Variants in FGF12 observed in about 807,000 individuals in gnomAD.
FGF12 encodes the protein fibroblast growth factor 12B.
In FGF12, 14 loss-of-function variants were observed where a neutral mutation model predicts 23.6. The ratio of observed to expected loss-of-function variants is 0.59; its 90% confidence interval spans 0.39 to 0.93. The LOEUF (loss-of-function observed/expected upper bound fraction) is 0.93. Ranked by LOEUF, FGF12 falls within the 40% of genes least tolerant of loss-of-function variation. The pLI is 0.00. For missense variants in FGF12, 175 were observed against 217.8 expected (o/e 0.80, Z 1.24); for synonymous variants, 62 against 77.3 (o/e 0.80, Z 1.04).
chr3:192,233,835 G>GTCAAA (rs1175947446), intron 4 of FGF12, among the ~76,000 whole-genome samples: 4 of 152,076 alleles, frequency 2.6e-5, no homozygotes, highest in Non-Finnish European at 4.4e-5. Flanking sequence ...GGGCAGCTTT[G>GTCAAA]TCAAAGATCA....
intron 4 of FGF12, among the ~76,000 whole-genome samples, chr3:192,304,370 C>T (rs1293333788): frequency 6.6e-6 from 1 of 152,188 alleles, no homozygotes; most frequent in Non-Finnish European, 1.5e-5. Context: ...TTACTATTCT[C>T]CTGCTCTACA....
At chr3:192,377,033 C>G (rs896691441) in intron 2 of FGF12, among the ~76,000 whole-genome samples, 1 of 152,212 alleles carries the variant, frequency 6.6e-6, no homozygotes, top group African/African-American at 2.4e-5. Flanking sequence ...GGAATTCCAA[C>G]TTAACAAGGA....
In FGF12 at chr3:192,429,172, C is replaced by T. The variant is rs115319372; in HGVS notation, c.14-68634G>A. Among the ~76,000 whole-genome samples the T allele has an allele frequency of 5.5e-3, 832 of 151,386 alleles. 8 individuals carry two copies. The highest frequency in any genetic ancestry group is 0.019 in the African/African-American group (796 of 41,446). On this transcript the variant is annotated intron_variant, in intron 2 of 5. Transcript: ENST00000445105. ...CACTGGAAGAGATGAGGGAAGAGGA[C>T]AGCATCAACTTACCTCTTCACGAAG...
chr3:192,382,632 T>C (rs1719868533), intron 2 of FGF12, among the ~76,000 whole-genome samples: 1 of 152,188 alleles, frequency 6.6e-6, no homozygotes, highest in Non-Finnish European at 1.5e-5. Flanking sequence ...TGCTATAATA[T>C]AGAGCAAGTA....
intron 2 of FGF12, among the ~76,000 whole-genome samples, chr3:192,668,247 C>T (rs1560188197): frequency 6.6e-6 from 1 of 151,956 alleles, no homozygotes; most frequent in Non-Finnish European, 1.5e-5. Flanking sequence ...AAACTGCATA[C>T]TCTAAGAATG....
At chr3:192,658,523 G>A (rs888789303) in intron 2 of FGF12, among the ~76,000 whole-genome samples, 2 of 152,152 alleles carry the variant, frequency 1.3e-5, no homozygotes, top group East Asian at 1.9e-4. Flanking sequence ...AGTTTGGAGC[G>A]TGCTAACCAG....
chr3:192,237,935 T>G (rs1297899300), intron 4 of FGF12: 1 of 152,238 alleles, frequency 6.6e-6, no homozygotes, highest in Non-Finnish European at 1.5e-5. Context: ...CTTGCACTAG[T>G]TCTTATCTGT....
At chr3:192,567,735 CTCTT>C (rs58243923) in intron 2 of FGF12, among the ~76,000 whole-genome samples, 21,532 of 125,760 alleles carry the variant, frequency 0.17, 1,823 homozygotes, top group East Asian at 0.19. Flanking sequence ...CTCCATGTGT[CTCTT>C]TCTTTCTTTC....
chr3:192,304,220 C>A (rs1388639920), intron 4 of FGF12, among the ~76,000 whole-genome samples: 1 of 152,138 alleles, frequency 6.6e-6, no homozygotes. Context: ...GGATCTTGCA[C>A]AAAACTCTCT....
intron 2 of FGF12, among the ~76,000 whole-genome samples, chr3:192,378,806 A>G (rs982880706): frequency 2.0e-5 from 3 of 152,056 alleles, no homozygotes; most frequent in African/African-American, 7.2e-5. Context: ...GGTTTTTTAT[A>G]CAGGTAAACT....
chr3:192,472,557 A>G (rs1723204603), intron 2 of FGF12, among the ~76,000 whole-genome samples: 1 of 151,860 alleles, frequency 6.6e-6, no homozygotes, highest in African/African-American at 2.4e-5. Flanking sequence ...CAAAGCCCAC[A>G]TTCCAGGGCC....
At chr3:192,244,286 C>G (rs886855308) in intron 4 of FGF12, among the ~76,000 whole-genome samples, 2 of 151,996 alleles carry the variant, frequency 1.3e-5, no homozygotes, top group Non-Finnish European at 2.9e-5. Context: ...AATATTGAGG[C>G]AAACTTTCAG....
intron 2 of FGF12, among the ~76,000 whole-genome samples, chr3:192,648,525 CA>C (rs1464333962): frequency 6.6e-6 from 1 of 151,370 alleles, no homozygotes; most frequent in African/African-American, 2.4e-5. Context: ...ATTCTCACAT[CA>C]GTAGATATTT....
intron 2 of FGF12, among the ~76,000 whole-genome samples, chr3:192,648,202 G>T (rs999754422): frequency 2.0e-5 from 3 of 151,664 alleles, no homozygotes; most frequent in Non-Finnish European, 4.4e-5. Flanking sequence ...TTTTATTATT[G>T]TAGGATAAAA....
chr3:192,278,525 G>C (rs1713940332), intron 4 of FGF12, among the ~76,000 whole-genome samples: 1 of 152,194 alleles, frequency 6.6e-6, no homozygotes. Context: ...TCCCAAAGCT[G>C]GTCAAGACAG....
At chr3:192,545,346 G>A (rs958346346) in intron 2 of FGF12, among the ~76,000 whole-genome samples, 5 of 152,162 alleles carry the variant, frequency 3.3e-5, no homozygotes, top group African/African-American at 9.7e-5. Flanking sequence ...GCATCCACAT[G>A]ATAAATGTTA....
At chr3:192,384,606 G>T (rs996762428) in intron 2 of FGF12, among the ~76,000 whole-genome samples, 1 of 152,130 alleles carries the variant, frequency 6.6e-6, no homozygotes, top group African/African-American at 2.4e-5. Context: ...TCTCACTCAA[G>T]ATTTTTAATA....
At chr3:192,333,414 C>G (rs575237732) in intron 4 of FGF12, among the ~76,000 whole-genome samples, 1 of 152,030 alleles carries the variant, frequency 6.6e-6, no homozygotes, top group Admixed American at 6.6e-5. Context: ...ATAACATCCT[C>G]TTGCCTTTTT....
In FGF12 at chr3:192,408,888, A is replaced by AGAATGC. The variant is rs1272694713; in HGVS notation, c.14-48356_14-48351dup. 1 of 985,342 alleles carries AGAATGC rather than the reference A, an allele frequency of 1.0e-6. No homozygotes were observed. The highest frequency in any genetic ancestry group is 1.7e-5 in the African/African-American group (1 of 57,234). 61.0% of individuals were successfully genotyped at this position (985,342 alleles called of 1,614,324 possible). On this transcript the variant is annotated intron_variant, in intron 2 of 5. Transcript: ENST00000445105. The surrounding 1 kb of genome is among the most constrained non-coding windows in gnomAD (Gnocchi z 7.3). ...TCCGTCCCAGCAGGGTGAGGTCTACAGAATGCATCGCGCCGGCTGCGGCTT... is the reference window on the plus strand; with the variant it reads ...TCCGTCCCAGCAGGGTGAGGTCTACAGAATGCGAATGCATCGCGCCGGCTGCGGCTT...
Sources: gnomAD v4.1 joint callset for allele counts (sites outside exome capture counted in the v4.1 genomes callset) on GRCh38, gnomAD v4.1.1 for gene constraint, Gnocchi (gnomAD v3.1) non-coding constraint, MANE v1.5 for transcripts, NCBI Gene and HGNC (gene_info 2026-07-23, HGNC 2026-07-21) for gene names.